Variants in RHBDL2 observed in about 807,000 individuals in gnomAD.
RHBDL2 encodes the protein rhomboid-related protein 2.
Under a neutral mutation model 31.7 loss-of-function variants are expected in RHBDL2, and 26 were observed. The ratio of observed to expected loss-of-function variants is 0.82; its 90% confidence interval spans 0.60 to 1.14. RHBDL2 has a LOEUF of 1.14. Among genes scored for constraint, RHBDL2 ranks in the 50% most tolerant of loss-of-function variants. RHBDL2 has a pLI of 0.00. For missense variants in RHBDL2, 336 were observed against 364.4 expected, an observed-to-expected ratio of 0.92 and a Z score of 0.63; for synonymous variants, 123 against 127.2, an observed-to-expected ratio of 0.97 and a Z score of 0.22.
chr1:38,920,271 G>A (rs139367068), intron 1 of RHBDL2, among the ~76,000 whole-genome samples: 9,508 of 145,422 alleles, frequency 0.065, 347 homozygotes, highest in South Asian at 0.1. Flanking sequence ...AGGTTCAAGC[G>A]ATTCTCCTGC....
chr1:38,911,798 C>G (rs927839674), intron 3 of RHBDL2, among the ~76,000 whole-genome samples: 2 of 151,904 alleles, frequency 1.3e-5, no homozygotes, highest in African/African-American at 4.8e-5. Context: ...TGCCACCACT[C>G]CTGGCTAATT....
chr1:38,915,509 G>T lies in RHBDL2; in HGVS notation c.395+53C>A, dbSNP rs779305236. 7 of 1,577,950 alleles carry T rather than the reference G, an allele frequency of 4.4e-6. No homozygotes were observed. In the Admixed American group the frequency reaches 1.2e-4, roughly 27 times the overall value. On this transcript the variant is annotated intron_variant, in intron 3 of 7. Coordinates refer to ENST00000372990, the MANE Select transcript of RHBDL2 (RefSeq NM_017821.5). ...ATAAAGCACTCAACAAATGTTAGAGGTTACAATGATATAATCACCTCTGAT... is the reference window on the plus strand; with the variant it reads ...ATAAAGCACTCAACAAATGTTAGAGTTTACAATGATATAATCACCTCTGAT...
At chr1:38,941,145 G>T (rs996768434) in intron 1 of RHBDL2, among the ~76,000 whole-genome samples, 1 of 152,164 alleles carries the variant, frequency 6.6e-6, no homozygotes, top group African/African-American at 2.4e-5. Context: ...ATAAACAAAT[G>T]AACACTAATG....
chr1:38,886,735 G>A, intron 7 of RHBDL2, 52 bp from the exon 8 acceptor site: 5 of 1,343,712 alleles, frequency 3.7e-6, no homozygotes, highest in Non-Finnish European at 5.0e-6. Context: ...TGCTAATTGT[G>A]TATTTCAGTT....
chr1:38,909,303 C>T (rs72658100), intron 4 of RHBDL2, among the ~76,000 whole-genome samples: 171 of 152,248 alleles, frequency 1.1e-3, no homozygotes, highest in Middle Eastern at 0.01. Context: ...CCCTCCTCTA[C>T]CCAGCACTTC....
chr1:38,927,807 T>C (rs1383309952), intron 1 of RHBDL2, among the ~76,000 whole-genome samples: 1 of 152,218 alleles, frequency 6.6e-6, no homozygotes, highest in African/African-American at 2.4e-5. Context: ...ATGAGCATTG[T>C]CTTCATTAAT....
chr1:38,921,130 C>T (rs1258535315), intron 1 of RHBDL2, among the ~76,000 whole-genome samples: 4 of 151,944 alleles, frequency 2.6e-5, no homozygotes, highest in East Asian at 1.9e-4. Context: ...GTATCTGGGC[C>T]GGGCGTGGTG....
chr1:38,902,207 T>C (rs1484107361), intron 4 of RHBDL2, among the ~76,000 whole-genome samples: 4 of 128,634 alleles, frequency 3.1e-5, no homozygotes, highest in South Asian at 2.7e-4. Context: ...TTTTCTTTTT[T>C]TTTTTTTTTT....
chr1:38,915,993 G>A (rs535273987), intron 2 of RHBDL2, among the ~76,000 whole-genome samples: 2 of 152,266 alleles, frequency 1.3e-5, no homozygotes, highest in East Asian at 1.9e-4. Flanking sequence ...CTGGCACTAC[G>A]TTCTCTACTA....
chr1:38,934,731 G>A (rs1322132454), intron 1 of RHBDL2, among the ~76,000 whole-genome samples: 2 of 151,020 alleles, frequency 1.3e-5, no homozygotes, highest in East Asian at 1.9e-4. Context: ...GCCGAGGCGG[G>A]CAGATCACGA....
At chr1:38,899,295 G>A (rs372287395) in intron 4 of RHBDL2, among the ~76,000 whole-genome samples, 1 of 152,196 alleles carries the variant, frequency 6.6e-6, no homozygotes, top group Non-Finnish European at 1.5e-5. Context: ...CAACCAGAGG[G>A]GGGCCAGGCA....
intron 1 of RHBDL2, among the ~76,000 whole-genome samples, chr1:38,938,064 C>G (rs1017070790): frequency 6.6e-6 from 1 of 151,790 alleles, no homozygotes; most frequent in Non-Finnish European, 1.5e-5. Flanking sequence ...GTTGCCCAGG[C>G]TGGAGTGCAG....
At chr1:38,894,290 G>T (rs1394236745) in intron 5 of RHBDL2, among the ~76,000 whole-genome samples, 1 of 152,022 alleles carries the variant, frequency 6.6e-6, no homozygotes, top group East Asian at 1.9e-4. Flanking sequence ...TTTTATAATT[G>T]CTTTACACTT....
At chr1:38,938,306 C>A (rs865869370) in intron 1 of RHBDL2, among the ~76,000 whole-genome samples, 1 of 152,126 alleles carries the variant, frequency 6.6e-6, no homozygotes, top group African/African-American at 2.4e-5. Context: ...TGAGCCACCG[C>A]GCCCAGCCAA....
chr1:38,933,386 C>A (rs940677847), intron 1 of RHBDL2, among the ~76,000 whole-genome samples: 4 of 152,160 alleles, frequency 2.6e-5, no homozygotes, highest in Non-Finnish European at 5.9e-5. Flanking sequence ...CTACATTTCC[C>A]CACTTATATT....
rs1643274380 is a variant in RHBDL2, at chr1:38,918,992, A to G, written c.221T>C (p.Phe74Ser). The part of the protein sequence containing the change: ...ERANCFPPPV[F>S]IISISLAELA... ...CTCGGCCAGGCTGATGGAGATGATG[A>G]ACACGGGAGGCGGGAAGCAGTTAGC... Residue 74 changes from phenylalanine to serine, a missense_variant, in exon 2 of 8, where the codon TTC becomes TCC. By Grantham distance (155) the Phe-to-Ser change is radical (BLOSUM62 -2). Coordinates refer to ENST00000372990, the MANE Select transcript of RHBDL2 (RefSeq NM_017821.5). 1.2e-6 allele frequency: 2 copies of G among 1,613,860 alleles called. No individual in the cohort carries two copies. Among genetic ancestry groups the G allele is most frequent in the Non-Finnish European group, 1.7e-6 (2 of 1,179,800 alleles).
chr1:38,918,859 G>A, intron 2 of RHBDL2, 108 bp downstream of exon 2: 1 of 1,366,072 alleles, frequency 7.3e-7, no homozygotes, highest in Non-Finnish European at 1.0e-6. Flanking sequence ...TCCCCACGAA[G>A]CTCTCTCCCA....
chr1:38,917,101 T>TAC (rs1643248812), intron 2 of RHBDL2, among the ~76,000 whole-genome samples: 2 of 149,754 alleles, frequency 1.3e-5, no homozygotes, highest in Non-Finnish European at 3.0e-5. Flanking sequence ...CACTGCAAGT[T>TAC]CTGCCTCCTG....
At chr1:38,899,510 G>A (rs913574609) in intron 4 of RHBDL2, among the ~76,000 whole-genome samples, 3 of 152,218 alleles carry the variant, frequency 2.0e-5, no homozygotes, top group African/African-American at 7.2e-5. Context: ...GGCATGTGGG[G>A]CATGGGGATG....
Sources: gnomAD v4.1 joint callset for allele counts (sites outside exome capture counted in the v4.1 genomes callset) on GRCh38, gnomAD v4.1.1 for gene constraint, MANE v1.5 for transcripts, NCBI Gene and HGNC (gene_info 2026-07-23, HGNC 2026-07-21) for gene names.